The following STK33 variants were observed in gnomAD, a reference collection of about 807,000 sequenced individuals.
The protein encoded by STK33 is serine/threonine kinase 33.
STK33 carries 52 observed loss-of-function variants against 58.0 expected under a neutral mutation model. The observed-to-expected ratio is 0.90, with a 90% CI of 0.72 to 1.13. The LOEUF (loss-of-function observed/expected upper bound fraction) is 1.13. STK33 is among the 50% of genes most tolerant of loss of function. STK33 has a pLI of 0.00. For synonymous variants in STK33, 215 were observed against 200.1 expected (o/e 1.07, Z -0.63); for missense variants, 630 against 604.2 (o/e 1.04, Z -0.45).
chr11:8,474,654 C>A, intron 5 of STK33, 27 bp downstream of exon 5: 3 of 1,548,646 alleles, frequency 1.9e-6, no homozygotes, highest in Non-Finnish European at 1.8e-6. Context: ...TCAACTTGTG[C>A]TTAGATGTGG....
chr11:8,549,973 G>C (rs1956196390), intron 1 of STK33, among the ~76,000 whole-genome samples: 1 of 152,098 alleles, frequency 6.6e-6, no homozygotes, highest in African/African-American at 2.4e-5. Context: ...ACAAAAGTCA[G>C]TGTTTCTGTA....
rs985290030 is a variant in STK33 at position 8,494,826 on chromosome 11, C to A, written c.-465-14212G>T. 1.7e-3 allele frequency among the ~76,000 whole-genome samples: 253 copies of A among 152,206 alleles called. 3 individuals carry two copies. The highest frequency in any genetic ancestry group is 3.2e-4 in the Non-Finnish European group (22 of 68,008). On this transcript the variant is annotated intron_variant, in intron 1 of 15. Coordinates refer to ENST00000687296, the MANE Select transcript of STK33 (RefSeq NM_001352389.2). ...ACCATCTGATCTTTGACAAACCTGACAAAAACAAGAAATGGGGAAAGGATT... is the reference window on the plus strand; with the variant it reads ...ACCATCTGATCTTTGACAAACCTGAAAAAAACAAGAAATGGGGAAAGGATT...
chr11:8,492,152 A>C (rs1303680425), intron 1 of STK33, among the ~76,000 whole-genome samples: 1 of 152,212 alleles, frequency 6.6e-6, no homozygotes, highest in African/African-American at 2.4e-5. Context: ...AGACTGGCCA[A>C]TGAGATAAAG....
intron 1 of STK33, among the ~76,000 whole-genome samples, chr11:8,578,162 T>C (rs1012619371): frequency 6.6e-6 from 1 of 152,106 alleles, no homozygotes. Flanking sequence ...GGAAAGCACT[T>C]ACTTATTTAT....
intron 1 of STK33, among the ~76,000 whole-genome samples, chr11:8,567,682 G>T (rs1231900433): frequency 6.6e-6 from 1 of 152,116 alleles, no homozygotes; most frequent in Non-Finnish European, 1.5e-5. Flanking sequence ...TCTTTTCATT[G>T]TCCCAATATG....
At chr11:8,584,286 A>G (rs1053072301) in intron 1 of STK33, among the ~76,000 whole-genome samples, 4 of 152,142 alleles carry the variant, frequency 2.6e-5, no homozygotes, top group Non-Finnish European at 5.9e-5. Context: ...TCCTTCAATG[A>G]TTCATAATGT....
At chr11:8,471,390 G>A (rs1948763771) in intron 6 of STK33, among the ~76,000 whole-genome samples, 1 of 152,162 alleles carries the variant, frequency 6.6e-6, no homozygotes, top group Non-Finnish European at 1.5e-5. Context: ...GTGTAAGGAT[G>A]TTATTAAAAT....
At chr11:8,515,800 C>CA (rs917552480) in intron 1 of STK33, among the ~76,000 whole-genome samples, 1 of 151,880 alleles carries the variant, frequency 6.6e-6, no homozygotes, top group Non-Finnish European at 1.5e-5. Context: ...TGATAAAAAA[C>CA]AAAAAAACTC....
the STK33 span, among the ~76,000 whole-genome samples, chr11:8,336,417 T>C: frequency 6.6e-6 from 1 of 152,208 alleles, no homozygotes; most frequent in Non-Finnish European, 1.5e-5. Context: ...GTATTTGCCA[T>C]TCACGGGGAG....
chr11:8,565,948 C>A (rs1957418800), intron 1 of STK33: 2 of 152,184 alleles, frequency 1.3e-5, no homozygotes. Flanking sequence ...CCGCATGTTG[C>A]CATTCATTTC....
chr11:8,584,932 T>C (rs1310307348), intron 1 of STK33, among the ~76,000 whole-genome samples: 6 of 151,952 alleles, frequency 3.9e-5, no homozygotes, highest in Non-Finnish European at 5.9e-5. Context: ...ATGATTTTTT[T>C]TTTTTTTTTT....
chr11:8,362,855 T>TCTCCCTCCCTCTCTTCCTCC, the STK33 span, among the ~76,000 whole-genome samples: 1 of 151,170 alleles, frequency 6.6e-6, no homozygotes, highest in South Asian at 2.1e-4. Flanking sequence ...TTTCTGCCTC[T>TCTCCCTCCCTCTCTTCCTCC]CTCCCTCCCT....
intron 1 of STK33, chr11:8,567,172 A>T (rs1047075795): frequency 1.3e-5 from 2 of 152,124 alleles, no homozygotes; most frequent in African/African-American, 4.8e-5. Flanking sequence ...TGTTTAAAAC[A>T]TTACTAATAA....
intron 1 of STK33, among the ~76,000 whole-genome samples, chr11:8,556,009 T>C (rs1241608157): frequency 1.3e-5 from 2 of 152,080 alleles, no homozygotes; most frequent in Non-Finnish European, 2.9e-5. Flanking sequence ...ATTTGGGCAG[T>C]CTAAGAAGGA....
intron 1 of STK33, among the ~76,000 whole-genome samples, chr11:8,587,666 T>C (rs1267655386): frequency 6.6e-6 from 1 of 152,040 alleles, no homozygotes; most frequent in Non-Finnish European, 1.5e-5. Context: ...AAGGTTCACA[T>C]GGCCCTTCCT....
At chr11:8,426,412 G>C (rs1942765097) in intron 14 of STK33, among the ~76,000 whole-genome samples, 1 of 152,208 alleles carries the variant, frequency 6.6e-6, no homozygotes, top group African/African-American at 2.4e-5. Context: ...GGCATGTCAG[G>C]CAGGGGTGGT....
intron 11 of STK33, among the ~76,000 whole-genome samples, chr11:8,450,737 A>G (rs1422711547): frequency 6.6e-6 from 1 of 152,242 alleles, no homozygotes; most frequent in African/African-American, 2.4e-5. Context: ...GCTCCTAAAT[A>G]AAAGTGCTGA....
Position 8,479,356 on chromosome 11 carries a change from C to G in STK33, c.-261+1054G>C, listed in dbSNP as rs546011836. Among the ~76,000 whole-genome samples, 3 of 151,598 alleles carry G rather than the reference C, an allele frequency of 2.0e-5. No homozygotes were observed. In the East Asian group the frequency reaches 5.8e-4, roughly 29 times the overall value. ...GCTGAGGCAGGAGAATCGCTTGAACCCAGAAGGCGGAGATTGCAGTGAGCC... is the reference window on the plus strand; with the variant it reads ...GCTGAGGCAGGAGAATCGCTTGAACGCAGAAGGCGGAGATTGCAGTGAGCC... On this transcript the variant is annotated intron_variant, in intron 2 of 15. Coordinates refer to ENST00000687296, the MANE Select transcript of STK33 (RefSeq NM_001352389.2).
chr11:8,388,761 T>C (rs1848578444), downstream of STK33, among the ~76,000 whole-genome samples: 1 of 152,030 alleles, frequency 6.6e-6, no homozygotes. Context: ...CACAGTGAAG[T>C]GTTGCATTCT....
Sources: gnomAD v4.1 joint callset for allele counts (sites outside exome capture counted in the v4.1 genomes callset) on GRCh38, gnomAD v4.1.1 for gene constraint, MANE v1.5 for transcripts, NCBI Gene and HGNC (gene_info 2026-07-23, HGNC 2026-07-21) for gene names.